Variants in HMGB1 observed in about 807,000 individuals in gnomAD.
HMGB1 encodes the protein high mobility group box 1, also known as high mobility group protein B1.
For synonymous variants in HMGB1, 81 were observed against 84.0 expected, an observed-to-expected ratio of 0.96 and a Z score of 0.19; for missense variants, 79 against 253.5, an observed-to-expected ratio of 0.31 and a Z score of 4.67.
At chr13:30,498,224 G>A (rs1258056460) in intron 1 of HMGB1, among the ~76,000 whole-genome samples, 2 of 152,168 alleles carry the variant, frequency 1.3e-5, no homozygotes. Flanking sequence ...GGAGGCTGAA[G>A]CAGGACAATC....
intron 1 of HMGB1, among the ~76,000 whole-genome samples, chr13:30,510,269 C>A (rs1887963949): frequency 6.6e-6 from 1 of 152,156 alleles, no homozygotes; most frequent in South Asian, 2.1e-4. Flanking sequence ...GGGTAGGCAT[C>A]TTTGCCTCTC....
intron 1 of HMGB1, among the ~76,000 whole-genome samples, chr13:30,572,258 T>C (rs1273060781): frequency 6.6e-6 from 1 of 152,134 alleles, no homozygotes; most frequent in African/African-American, 2.4e-5. Flanking sequence ...ATAACTGCAA[T>C]AGAATGCAAC....
intron 1 of HMGB1, among the ~76,000 whole-genome samples, chr13:30,566,986 T>A (rs1403379531): frequency 1.3e-5 from 2 of 152,220 alleles, no homozygotes; most frequent in African/African-American, 2.4e-5. Flanking sequence ...TTTAAAAAAA[T>A]TTGTGCAATA....
chr13:30,458,045 C>G lies in HMGB1; in HGVS notation c.*3312G>C, dbSNP rs895180392. The G allele has an allele frequency of 1.3e-5, 2 of 152,170 alleles. No individual in the cohort carries two copies. Among genetic ancestry groups the G allele is most frequent in the African/African-American group, 4.8e-5 (2 of 41,440 alleles). The allele number at this position is 152,170 out of a possible 1,614,324, so 9.4% of individuals were successfully genotyped here. On this transcript the variant is annotated 3_prime_UTR_variant, in exon 5 of 5. Transcript: ENST00000341423. ...AATAAAACAGCCTAATTACCAAAGG[C>G]TCACATTTTAGCAAGTTAATTCTAA...
chr13:30,577,794 T>C (rs1870723443), intron 1 of HMGB1, among the ~76,000 whole-genome samples: 1 of 152,206 alleles, frequency 6.6e-6, no homozygotes. Context: ...ATTATAAGCA[T>C]TCAACGAAAA....
Position 30,538,502 on chromosome 13 carries a change from CTTT to C in HMGB1, c.-14-74811_-14-74809del, listed in dbSNP as rs1183687434. ...TCTTTCTTTCTTTCTTTCTTTCTTTCTTTCTTTCCTTTCTTTCTTTCCTTTCTT... is the reference window on the plus strand; with the variant it reads ...TCTTTCTTTCTTTCTTTCTTTCTTTCCTTTCCTTTCTTTCTTTCCTTTCTT... On this transcript the variant is annotated intron_variant, in intron 1 of 4. Coordinates refer to the HMGB1 transcript ENST00000405805. Among the ~76,000 whole-genome samples the C allele has an allele frequency of 6.6e-4, 81 of 122,764 alleles. 1 individual carries two copies. The highest frequency in any genetic ancestry group is 2.9e-3 in the African/African-American group (78 of 26,522). The allele number at this position is 122,764 out of a possible 152,430, so 80.5% of individuals were successfully genotyped here. A position where few individuals can be genotyped will look rare whatever the true frequency, so the allele number is the denominator to read the frequency against.
intron 1 of HMGB1, among the ~76,000 whole-genome samples, chr13:30,557,128 G>A (rs1442862778): frequency 6.6e-6 from 1 of 152,060 alleles, no homozygotes; most frequent in Non-Finnish European, 1.5e-5. Context: ...TTCTTATGCT[G>A]TTTTTCAAAA....
At chr13:30,543,045 T>C (rs1346665533) in intron 1 of HMGB1, 1 of 151,816 alleles carries the variant, frequency 6.6e-6, no homozygotes, top group Non-Finnish European at 1.5e-5. Flanking sequence ...TTCAGCTATG[T>C]GGGTTTTCTC....
intron 1 of HMGB1, among the ~76,000 whole-genome samples, chr13:30,493,996 C>T (rs1468450427): frequency 1.3e-5 from 2 of 151,486 alleles, no homozygotes; most frequent in African/African-American, 4.9e-5. Flanking sequence ...TAAATGCTAG[C>T]CTTTATTAAA....
At chr13:30,551,166 C>T (rs577305418) in intron 1 of HMGB1, among the ~76,000 whole-genome samples, 1 of 152,198 alleles carries the variant, frequency 6.6e-6, no homozygotes, top group African/African-American at 2.4e-5. Flanking sequence ...TACTATAATG[C>T]AAGCAGTACT....
intron 1 of HMGB1, among the ~76,000 whole-genome samples, chr13:30,593,258 T>C (rs1295476097): frequency 6.6e-6 from 1 of 152,206 alleles, no homozygotes; most frequent in Non-Finnish European, 1.5e-5. Context: ...CTGTCCTCTG[T>C]GGCATGTCAG....
intron 1 of HMGB1, among the ~76,000 whole-genome samples, chr13:30,528,892 G>A (rs1888432555): frequency 6.6e-6 from 1 of 152,018 alleles, no homozygotes; most frequent in African/African-American, 2.4e-5. Flanking sequence ...AGCCAGGCGT[G>A]GTGGCGGGCG....
At chr13:30,612,182 T>C (rs1275122853) in intron 1 of HMGB1, among the ~76,000 whole-genome samples, 1 of 152,186 alleles carries the variant, frequency 6.6e-6, no homozygotes, top group East Asian at 1.9e-4. Context: ...CACACATACA[T>C]GTATATATAC....
chr13:30,543,973 T>C (rs1385362386), intron 1 of HMGB1, among the ~76,000 whole-genome samples: 1 of 152,232 alleles, frequency 6.6e-6, no homozygotes. Flanking sequence ...GTCCTTGGTA[T>C]TGAGATCAAA....
At chr13:30,466,570 C>T (rs779866793), upstream of HMGB1, among the ~76,000 whole-genome samples, 3 of 152,196 alleles carry the variant, frequency 2.0e-5, no homozygotes, top group African/African-American at 7.2e-5. Context: ...TTTCTGGGCT[C>T]ATAAGCCGTC....
chr13:30,588,290 G>A (rs1254419078), intron 1 of HMGB1, among the ~76,000 whole-genome samples: 18 of 152,102 alleles, frequency 1.2e-4, no homozygotes, highest in Admixed American at 1.2e-3. Context: ...AAATTATGAG[G>A]TACAGAATAG....
chr13:30,480,101 C>T (rs1453419767), intron 1 of HMGB1, among the ~76,000 whole-genome samples: 2 of 152,170 alleles, frequency 1.3e-5, no homozygotes, highest in Admixed American at 6.5e-5. Flanking sequence ...CCCAATCTCT[C>T]CTTTTAAATA....
At chr13:30,505,672 C>A (rs189564062) in intron 1 of HMGB1, among the ~76,000 whole-genome samples, 283 of 152,140 alleles carry the variant, frequency 1.9e-3, no homozygotes, top group African/African-American at 6.3e-3. Flanking sequence ...CCCCCTGTAC[C>A]CGTTATTCAA....
At chr13:30,582,858 G>C (rs1251699609) in intron 1 of HMGB1, among the ~76,000 whole-genome samples, 2 of 152,072 alleles carry the variant, frequency 1.3e-5, no homozygotes, top group East Asian at 1.9e-4. Context: ...CAACCCATCA[G>C]TACATCCTGT....
Sources: allele counts gnomAD v4.1 joint callset (sites outside exome capture counted in the v4.1 genomes callset), GRCh38; gene constraint gnomAD v4.1.1; transcripts MANE v1.5; gene names NCBI Gene and HGNC (gene_info 2026-07-23, HGNC 2026-07-21).